APLP2: variants seen among roughly 807,000 people sequenced by gnomAD.
APLP2 encodes amyloid beta precursor like protein 2, also known as CDEI box-binding protein.
APLP2 carries 53 observed loss-of-function variants against 89.9 expected under a neutral mutation model. The ratio of observed to expected loss-of-function variants is 0.59; its 90% confidence interval spans 0.47 to 0.74. The LOEUF is 0.74. APLP2 is among the 30% of genes least tolerant of loss of function. The probability of loss-of-function intolerance (pLI) is 0.00; values close to 1 mark genes in which losing one functional copy is unlikely to be tolerated. For missense variants in APLP2, 973 were observed against 975.9 expected, an observed-to-expected ratio of 1.00 and a Z score of 0.04; for synonymous variants, 372 against 348.6, an observed-to-expected ratio of 1.07 and a Z score of -0.75.
rs1182726686 is a variant in APLP2 at position 130,070,025 on chromosome 11, G to A, written c.48G>A (p.Leu16=). The A allele has an allele frequency of 2.0e-6, 3 of 1,513,562 alleles. No homozygotes were observed. The East Asian group carries it at 8.2e-5, about 42-fold the overall frequency. The allele number at this position is 1,513,562 out of a possible 1,614,324, so 93.8% of individuals were successfully genotyped here. A position where few individuals can be genotyped will look rare whatever the true frequency, so the allele number is the denominator to read the frequency against. ...CCGCCGCAGCCACGGGCAGGCTCCT[G>A]CTTCTGCTGCTGGTGGGGCTCACGG... ...TAAAAATGRL[L]LLLLVGLTAP... is the part of the protein sequence containing the mutation. The change falls in exon 1 of 17, where the codon CTG becomes CTA. Residue 16 remains leucine (L), a synonymous_variant. Transcript: ENST00000338167.
rs1290950109 is a variant in APLP2 at position 130,110,766 on chromosome 11, G to A, written c.403+105G>A. 4 of 1,365,338 alleles carry A rather than the reference G, an allele frequency of 2.9e-6. No homozygotes were observed. In the African/African-American group the frequency reaches 4.4e-5, roughly 15 times the overall value. 84.6% of individuals were successfully genotyped at this position (1,365,338 alleles called of 1,614,324 possible). On this transcript the variant is annotated intron_variant, in intron 3 of 16. Transcript: ENST00000338167. ...ATATTTACACCTGTTAAGAAGCTGA[G>A]TGTGACATGAATTTATTGGGGAGGA...
rs1950112654 is a variant in APLP2 at position 130,123,955 on chromosome 11, A to G, written c.1090+176A>G. On this transcript the variant is annotated intron_variant, in intron 7 of 16. Coordinates refer to ENST00000338167, the MANE Select transcript of APLP2 (RefSeq NM_001142276.2). This position sits in a 1 kb window ranked among gnomAD's most constrained non-coding sequence, Gnocchi z 4.0. ...ATCTAGGCTTTGCTCTCCTGCCGGC[A>G]GTGGTAAGCTCAGTTCTCGTGTCCT... is the stretch of plus-strand genomic sequence containing the variant. 6.6e-6 allele frequency among the ~76,000 whole-genome samples: 1 copy of G among 151,992 alleles called. No homozygotes were observed. Among genetic ancestry groups the G allele is most frequent in the South Asian group, 2.1e-4 (1 of 4,812 alleles).
intron 1 of APLP2, among the ~76,000 whole-genome samples, chr11:130,094,767 A>G (rs1945966362): frequency 6.6e-6 from 1 of 152,224 alleles, no homozygotes; most frequent in African/African-American, 2.4e-5. Context: ...GTTGAGAAAG[A>G]GGGAAGTACT....
rs776642613 is a variant in APLP2 at position 130,129,156 on chromosome 11, C to T, written c.1405C>T (p.Arg469Trp). 9.3e-6 allele frequency: 15 copies of T among 1,614,048 alleles called. No individual in the cohort carries two copies. Among genetic ancestry groups the T allele is most frequent in the Non-Finnish European group, 1.2e-5 (14 of 1,180,028 alleles). ...GGAAGCTATGCTGAATGACCGCCGT[C>T]GGATGGCTCTGGAGAACTACCTGGC... ...RVEAMLNDRR[R>W]MALENYLAAL... The change falls in exon 10 of 17, where the codon CGG becomes TGG. Residue 469 changes from arginine (R) to tryptophan (W), a missense_variant. Coordinates refer to ENST00000338167, the MANE Select transcript of APLP2 (RefSeq NM_001142276.2).
chr11:130,135,210 A>G (rs915241085), intron 12 of APLP2, among the ~76,000 whole-genome samples: 2 of 152,180 alleles, frequency 1.3e-5, no homozygotes, highest in Non-Finnish European at 2.9e-5. Context: ...TTTAAAAAAA[A>G]GTAATTCTGG....
chr11:130,130,032 T>C lies in APLP2; in HGVS notation c.1456-6T>C. Reference sequence around the variant, plus strand: ...TGGATATTAAAACAACTGTTCTCTCTTGCAGCCTCATCGCATTCTCCAGGC... The same window carrying C: ...TGGATATTAAAACAACTGTTCTCTCCTGCAGCCTCATCGCATTCTCCAGGC... On this transcript the variant is annotated splice_polypyrimidine_tract_variant and splice_region_variant and intron_variant, in intron 10 of 16. Coordinates refer to ENST00000338167, the MANE Select transcript of APLP2 (RefSeq NM_001142276.2). 1 of 1,614,152 alleles carries C rather than the reference T, an allele frequency of 6.2e-7. No homozygotes were observed.
In APLP2 at chr11:130,141,933, A is replaced by C. The variant is rs770805499; in HGVS notation, c.2013A>C (p.Pro671=). 1 of 1,603,840 alleles carries C rather than the reference A, an allele frequency of 6.2e-7. No homozygotes were observed. The highest frequency in any genetic ancestry group is 1.7e-5 in the Admixed American group (1 of 59,702). Residue 671 remains proline (P), a synonymous_variant, in exon 16 of 17, where the codon CCA becomes CCC. Transcript: ENST00000338167. The surrounding 1 kb of genome is among the most constrained non-coding windows in gnomAD (Gnocchi z 4.2). ...TTATTACGTAGGAATCCGTGGGCCC[A>C]CTGCGGGAGGACTTCAGTCTGAGTA... ...GLEEERESVG[P]LREDFSLSSS...
At chr11:130,079,998 G>C (rs1942889250) in intron 1 of APLP2, among the ~76,000 whole-genome samples, 1 of 152,128 alleles carries the variant, frequency 6.6e-6, no homozygotes, top group Admixed American at 6.5e-5. Flanking sequence ...TTAATTTTGA[G>C]AGTGCAGTAT....
Position 130,141,328 on chromosome 11 carries a change from G to A in APLP2, c.1924-170G>A. On this transcript the variant is annotated intron_variant, in intron 14 of 16. Coordinates refer to ENST00000338167, the MANE Select transcript of APLP2 (RefSeq NM_001142276.2). This position sits in a 1 kb window ranked among gnomAD's most constrained non-coding sequence, Gnocchi z 4.2. ...CCTCCATACCTGCCCCTTCATTAGGGGTTTGGGGAGTGGATTTGGAAGGCT... is the reference window on the plus strand; with the variant it reads ...CCTCCATACCTGCCCCTTCATTAGGAGTTTGGGGAGTGGATTTGGAAGGCT... The A allele has an allele frequency of 1.6e-6, 1 of 621,218 alleles. No homozygotes were observed. The highest frequency in any genetic ancestry group is 2.8e-5 in the East Asian group (1 of 36,284). 38.5% of individuals were successfully genotyped at this position (621,218 alleles called of 1,614,324 possible). A position where few individuals can be genotyped will look rare whatever the true frequency, so the allele number is the denominator to read the frequency against.
chr11:130,121,780 A>T lies in APLP2; in HGVS notation c.683A>T (p.Asp228Val). ...GATGAAGAGGAAGAGGAAGAGGAAGATGAAGAGGAAGACTATGATGTTTAT... is the reference window on the plus strand; with the variant it reads ...GATGAAGAGGAAGAGGAAGAGGAAGTTGAAGAGGAAGACTATGATGTTTAT... ...EEDEEEEEEE[D>V]EEEDYDVYKS... The change falls in exon 5 of 17, where the codon GAT becomes GTT. Residue 228 changes from aspartate to valine, a missense_variant. Asp to Val is a radical substitution (Grantham distance 152). Transcript: ENST00000338167. The T allele has an allele frequency of 2.5e-6, 4 of 1,613,448 alleles. No individual in the cohort carries two copies. Among genetic ancestry groups the T allele is most frequent in the Non-Finnish European group, 3.4e-6 (4 of 1,179,960 alleles).
chr11:130,089,806 G>A (rs2135506981), intron 1 of APLP2, among the ~76,000 whole-genome samples: 1 of 152,308 alleles, frequency 6.6e-6, no homozygotes, highest in Middle Eastern at 3.4e-3. Flanking sequence ...CCATCTTCAC[G>A]TGGCGCTCCC....
intron 12 of APLP2, 122 bp from the exon 13 acceptor site, chr11:130,135,441 A>C: frequency 8.6e-7 from 1 of 1,167,990 alleles, no homozygotes. Context: ...CACAGAATCA[A>C]GGAAGGTGTT....
At position 130,123,510 on chromosome 11, in the gene APLP2, A is replaced by AG. The variant is rs2135964134; in HGVS notation, c.923-100dup. On this transcript the variant is annotated intron_variant, in intron 6 of 16. Coordinates refer to ENST00000338167, the MANE Select transcript of APLP2 (RefSeq NM_001142276.2). The surrounding 1 kb of genome is among the most constrained non-coding windows in gnomAD (Gnocchi z 4.0). ...GGGCCTCCAGGCTCCGTCCAGTCTC[A>AG]GGCCTCCCCCAGCCCATCCCCCAGC... 7.7e-7 allele frequency: 1 copy of AG among 1,295,414 alleles called. No individual in the cohort carries two copies. Among genetic ancestry groups the AG allele is most frequent in the East Asian group, 2.4e-5 (1 of 41,548 alleles). The allele number at this position is 1,295,414 out of a possible 1,614,324, so 80.2% of individuals were successfully genotyped here. A position where few individuals can be genotyped will look rare whatever the true frequency, so the allele number is the denominator to read the frequency against.
chr11:130,125,771 A>T (rs1950306452), intron 7 of APLP2, among the ~76,000 whole-genome samples: 1 of 152,242 alleles, frequency 6.6e-6, no homozygotes. Context: ...CTATCAAGCA[A>T]GTCCACACCA....
chr11:130,136,786 A>G (rs1217070476), intron 13 of APLP2, among the ~76,000 whole-genome samples: 1 of 152,136 alleles, frequency 6.6e-6, no homozygotes, highest in African/African-American at 2.4e-5. Context: ...GTGGTAGATG[A>G]AGAGGCACCA....
chr11:130,143,273 G>T, intron 16 of APLP2, 74 bp from the exon 17 acceptor site: 1 of 1,362,716 alleles, frequency 7.3e-7, no homozygotes, highest in East Asian at 2.3e-5. Flanking sequence ...TGCAGCAAAT[G>T]GCTCAGGTCT....
At chr11:130,112,794 C>T (rs528012972) in intron 3 of APLP2, among the ~76,000 whole-genome samples, 1 of 152,242 alleles carries the variant, frequency 6.6e-6, no homozygotes, top group East Asian at 1.9e-4. Context: ...TGTTGAAACT[C>T]CTTAGCGTGG....
At chr11:130,109,095 T>C (rs1948194394) in intron 1 of APLP2, 1 of 157,162 alleles carries the variant, frequency 6.4e-6, no homozygotes, top group South Asian at 2.0e-4. Flanking sequence ...ATATACCTAA[T>C]GTAAATGACA....
intron 11 of APLP2, 108 bp downstream of exon 11, chr11:130,130,274 C>G: frequency 2.8e-6 from 4 of 1,424,760 alleles, no homozygotes; most frequent in Non-Finnish European, 3.9e-6. Context: ...GCTACTAGTC[C>G]TTAGAAAATG....
Sources: allele counts gnomAD v4.1 joint callset (sites outside exome capture counted in the v4.1 genomes callset), GRCh38; gene constraint gnomAD v4.1.1; non-coding constraint Gnocchi (gnomAD v3.1); transcripts MANE v1.5; gene names NCBI Gene and HGNC (gene_info 2026-07-23, HGNC 2026-07-21).